MBD2: variants seen among roughly 807,000 people sequenced by gnomAD.
MBD2 encodes the protein methyl-CpG binding domain protein 2, also known as methyl-CpG-binding domain protein 2.
Under a neutral mutation model 39.3 loss-of-function variants are expected in MBD2, and 9 were observed. The observed-to-expected ratio is 0.23, with a 90% CI of 0.14 to 0.40. MBD2 has a LOEUF of 0.40. MBD2 is among the 10% of genes least tolerant of loss of function. The pLI is 1.00. For synonymous variants in MBD2, 233 were observed against 211.1 expected, an observed-to-expected ratio of 1.10 and a Z score of -0.90; for missense variants, 458 against 532.6, an observed-to-expected ratio of 0.86 and a Z score of 1.38.
intron 2 of MBD2, among the ~76,000 whole-genome samples, chr18:54,201,337 C>T (rs746869782): frequency 1.3e-5 from 2 of 152,184 alleles, no homozygotes; most frequent in South Asian, 2.1e-4. Flanking sequence ...GATATTTCAA[C>T]GTCAGTTGAA....
At chr18:54,199,634 C>G (rs527617237) in intron 2 of MBD2, among the ~76,000 whole-genome samples, 1 of 152,254 alleles carries the variant, frequency 6.6e-6, no homozygotes, top group Non-Finnish European at 1.5e-5. Context: ...TCCCCTATTC[C>G]CTGACTCCTC....
intron 2 of MBD2, among the ~76,000 whole-genome samples, chr18:54,200,627 A>C (rs1308273526): frequency 1.3e-5 from 2 of 152,208 alleles, no homozygotes; most frequent in Non-Finnish European, 2.9e-5. Context: ...TTGAAAAATC[A>C]AACATAAATC....
intron 1 of MBD2, among the ~76,000 whole-genome samples, chr18:54,222,759 C>A (rs2086626267): frequency 6.6e-6 from 1 of 152,246 alleles, no homozygotes; most frequent in African/African-American, 2.4e-5. Flanking sequence ...AACTACTCAT[C>A]CATATATAGC....
chr18:54,159,694 G>C, intron 6 of MBD2, 71 bp downstream of exon 6: 1 of 1,545,636 alleles, frequency 6.5e-7, no homozygotes, highest in Non-Finnish European at 8.8e-7. Context: ...TGGGATTACA[G>C]GCAGAAGCAC....
intron 3 of MBD2, among the ~76,000 whole-genome samples, chr18:54,170,845 T>G (rs1313722141): frequency 6.6e-6 from 1 of 152,104 alleles, no homozygotes; most frequent in African/African-American, 2.4e-5. Flanking sequence ...TCTATAAGCA[T>G]GTAGAAGAGA....
intron 5 of MBD2, 76 bp from the exon 6 acceptor site, chr18:54,159,979 C>G: frequency 6.8e-7 from 1 of 1,475,510 alleles, no homozygotes; most frequent in Non-Finnish European, 9.2e-7. Context: ...AGAAGTTCAT[C>G]CTTACTTCAA....
chr18:54,208,707 T>C (rs998345497), intron 1 of MBD2, among the ~76,000 whole-genome samples: 4 of 152,212 alleles, frequency 2.6e-5, no homozygotes, highest in South Asian at 2.1e-4. Flanking sequence ...AGGGAATCAA[T>C]TGACAAACTT....
chr18:54,214,264 T>G (rs1375060589), intron 1 of MBD2, among the ~76,000 whole-genome samples: 1 of 151,948 alleles, frequency 6.6e-6, no homozygotes, highest in African/African-American at 2.4e-5. Context: ...GGAGCAATTG[T>G]GGCTCACTAC....
In MBD2 at chr18:54,205,117, T is replaced by C. The variant is rs760822467; in HGVS notation, c.583A>G (p.Arg195Gly). ...KKFRSKPQLA[R>G]YLGNTVDLSS... ...AGATCAACAGTATTTCCCAGGTACC[T>C]TGCCAACTGAGGCTTGCTTCTGAAC... Residue 195 changes from arginine to glycine, a missense_variant, in exon 2 of 7, where the codon AGG (arginine) becomes GGG (glycine). Transcript: ENST00000256429. 1.9e-6 allele frequency: 3 copies of C among 1,613,864 alleles called. No individual in the cohort carries two copies. Among genetic ancestry groups the C allele is most frequent in the Non-Finnish European group, 2.5e-6 (3 of 1,179,878 alleles).
intron 1 of MBD2, among the ~76,000 whole-genome samples, chr18:54,218,216 G>A (rs536325007): frequency 3.3e-4 from 51 of 152,308 alleles, no homozygotes; most frequent in African/African-American, 1.1e-3. Context: ...TTATCAAAGA[G>A]AGAATATTTC....
chr18:54,215,068 T>C (rs1267285445), intron 1 of MBD2, among the ~76,000 whole-genome samples: 1 of 152,042 alleles, frequency 6.6e-6, no homozygotes, highest in African/African-American at 2.4e-5. Context: ...TACACTAGAT[T>C]TATAGTTGAG....
At chr18:54,182,398 G>A (rs1209151657) in intron 3 of MBD2, among the ~76,000 whole-genome samples, 1 of 152,164 alleles carries the variant, frequency 6.6e-6, no homozygotes, top group East Asian at 1.9e-4. Context: ...AACAGCCGCT[G>A]AAGGAGAGAA....
intron 2 of MBD2, among the ~76,000 whole-genome samples, chr18:54,204,236 T>C (rs534281862): frequency 6.6e-6 from 1 of 152,326 alleles, no homozygotes; most frequent in African/African-American, 2.4e-5. Context: ...ACACAGATCC[T>C]TGAAGTTTAG....
At position 54,191,658 on chromosome 18, in the gene MBD2, C is replaced by T. The variant is rs553919596; in HGVS notation, c.703-2647G>A. ...GTGACCTCTACTTAAAGAACATTAGCATGCCTAGAAATGTAAGCCTCACAA... is the reference window on the plus strand; with the variant it reads ...GTGACCTCTACTTAAAGAACATTAGTATGCCTAGAAATGTAAGCCTCACAA... On this transcript the variant is annotated intron_variant, in intron 2 of 6. Coordinates refer to ENST00000256429, the MANE Select transcript of MBD2 (RefSeq NM_003927.5). Among the ~76,000 whole-genome samples, 5 of 152,312 alleles carry T rather than the reference C, an allele frequency of 3.3e-5. No homozygotes were observed. In the East Asian group the frequency reaches 7.7e-4, roughly 23 times the overall value.
chr18:54,182,775 A>T (rs965672913), intron 3 of MBD2, among the ~76,000 whole-genome samples: 3 of 152,032 alleles, frequency 2.0e-5, no homozygotes, highest in Non-Finnish European at 4.4e-5. Flanking sequence ...TCTATGAAAA[A>T]CACAAAATTA....
At position 54,224,203 on chromosome 18, in the gene MBD2, G is replaced by A. The variant is rs914820079; in HGVS notation, c.357C>T (p.Gly119=). 6.7e-6 allele frequency: 8 copies of A among 1,189,894 alleles called. No individual in the cohort carries two copies. In the African/African-American group the frequency reaches 1.1e-4, roughly 17 times the overall value. The allele number at this position is 1,189,894 out of a possible 1,614,324, so 73.7% of individuals were successfully genotyped here. A position where few individuals can be genotyped will look rare whatever the true frequency, so the allele number is the denominator to read the frequency against. The change falls in exon 1 of 7, where the codon GGC becomes GGT. Residue 119 remains glycine (G), a synonymous_variant. Transcript: ENST00000256429. ...GGACCGGCTCCCGCCGGGGGGCGCC[G>A]CCGCCACCGCTGCCGCCGCCGCCGC... ...GGCGGGGSGG[G]GAPRREPVPF...
intron 3 of MBD2, 50 bp from the exon 4 acceptor site, chr18:54,166,216 G>T: frequency 9.4e-7 from 1 of 1,064,662 alleles, no homozygotes; most frequent in Non-Finnish European, 1.5e-6. Flanking sequence ...AAACAAGAAA[G>T]TAGCGCATCG....
chr18:54,182,440 T>C (rs2144303711), intron 3 of MBD2, among the ~76,000 whole-genome samples: 1 of 152,140 alleles, frequency 6.6e-6, no homozygotes, highest in African/African-American at 2.4e-5. Context: ...TCAAGGTATG[T>C]AAGGGTCAGG....
At chr18:54,216,661 T>C (rs978114880) in intron 1 of MBD2, among the ~76,000 whole-genome samples, 1 of 152,176 alleles carries the variant, frequency 6.6e-6, no homozygotes, top group African/African-American at 2.4e-5. Flanking sequence ...GATGAATGCC[T>C]GTTAAAAAGA....
Sources: allele counts gnomAD v4.1 joint callset (sites outside exome capture counted in the v4.1 genomes callset), GRCh38; gene constraint gnomAD v4.1.1; transcripts MANE v1.5; gene names NCBI Gene and HGNC (gene_info 2026-07-23, HGNC 2026-07-21).